SESN1: variants seen among roughly 807,000 people sequenced by gnomAD.
SESN1 encodes sestrin-1.
In SESN1, 30 loss-of-function variants were observed where a neutral mutation model predicts 59.3. The ratio of observed to expected loss-of-function variants is 0.51; its 90% CI spans 0.38 to 0.69. SESN1 has a LOEUF of 0.69. Ranked by LOEUF, SESN1 falls within the 30% of genes least tolerant of loss-of-function variation. SESN1 has a pLI of 0.00. For missense variants in SESN1, 566 were observed against 673.0 expected (o/e 0.84, Z 1.76); for synonymous variants, 197 against 219.9 (o/e 0.90, Z 0.92).
chr6:108,998,380 T>C (rs749074006), intron 5 of SESN1, 133 bp downstream of exon 5: 198 of 980,062 alleles, frequency 2.0e-4, no homozygotes, highest in Non-Finnish European at 2.8e-4. Flanking sequence ...CCCTACTGAA[T>C]GAATAGATAT....
chr6:109,001,600 T>A, intron 2 of SESN1, 112 bp from the exon 3 acceptor site: 1 of 949,662 alleles, frequency 1.1e-6, no homozygotes, highest in Non-Finnish European at 1.6e-6. Context: ...AAATCTGGCT[T>A]AAGAAAGAGG....
chr6:109,083,538 T>G (rs1050199146), intron 1 of SESN1, among the ~76,000 whole-genome samples: 8 of 152,142 alleles, frequency 5.3e-5, no homozygotes, highest in African/African-American at 1.9e-4. Context: ...TCAACAAAAT[T>G]TCAATTTTTC....
chr6:109,092,075 A>G (rs1296763838), intron 1 of SESN1, among the ~76,000 whole-genome samples: 3 of 152,252 alleles, frequency 2.0e-5, no homozygotes, highest in Non-Finnish European at 4.4e-5. Flanking sequence ...AAAAAAGAGT[A>G]TAAGTCTATA....
chr6:108,988,978 G>A (rs1446842862), intron 8 of SESN1, among the ~76,000 whole-genome samples: 1 of 152,150 alleles, frequency 6.6e-6, no homozygotes, highest in African/African-American at 2.4e-5. Context: ...GTGTATATCT[G>A]CAATCATGAA....
At chr6:109,072,129 AC>A (rs1259599519) in intron 1 of SESN1, among the ~76,000 whole-genome samples, 1 of 152,148 alleles carries the variant, frequency 6.6e-6, no homozygotes, top group African/African-American at 2.4e-5. Context: ...ATCCTCTTTT[AC>A]TAATTACTTA....
intron 5 of SESN1, 143 bp downstream of exon 5, chr6:108,998,370 C>G (rs1296687138): frequency 3.4e-6 from 3 of 881,002 alleles, no homozygotes; most frequent in Non-Finnish European, 3.4e-6. Flanking sequence ...GTCAATAAAA[C>G]CCTACTGAAT....
intron 1 of SESN1, among the ~76,000 whole-genome samples, chr6:109,080,048 C>T (rs1465957948): frequency 1.3e-5 from 2 of 152,126 alleles, no homozygotes; most frequent in African/African-American, 2.4e-5. Context: ...AGGAAAAATA[C>T]TCAACACTCC....
intron 1 of SESN1, among the ~76,000 whole-genome samples, chr6:109,017,786 T>C (rs1015360468): frequency 5.3e-5 from 8 of 152,168 alleles, no homozygotes; most frequent in Non-Finnish European, 5.9e-5. Context: ...ACCTCTCTAG[T>C]TGTAATCCCT....
chr6:109,004,710 T>C lies in SESN1; in HGVS notation c.280-2367A>G, dbSNP rs530122268. The stretch of plus-strand genomic sequence containing the variant: ...CTCCCAAATGCTAGGATTACAGGTG[T>C]GAGCCACCGCACCTGACCAACAATC... On this transcript the variant is annotated intron_variant, in intron 1 of 9. Transcript: ENST00000436639. Among the ~76,000 whole-genome samples, 478 of 152,290 alleles carry C rather than the reference T, an allele frequency of 3.1e-3. 5 individuals are homozygous for C. The highest frequency in any genetic ancestry group is 4.2e-3 in the Non-Finnish European group (286 of 68,022).
chr6:109,002,228 C>T (rs757520669), intron 2 of SESN1, 50 bp downstream of exon 2: 5 of 1,520,846 alleles, frequency 3.3e-6, no homozygotes, highest in Admixed American at 3.4e-5. Flanking sequence ...GTCATGAAAG[C>T]TCTTCCTTAA....
At chr6:109,028,080 A>G (rs1189914023) in intron 1 of SESN1, among the ~76,000 whole-genome samples, 1 of 151,852 alleles carries the variant, frequency 6.6e-6, no homozygotes, top group Non-Finnish European at 1.5e-5. Flanking sequence ...ATTTGTCAAT[A>G]TTTTCTTTAA....
intron 1 of SESN1, among the ~76,000 whole-genome samples, chr6:109,079,986 G>C (rs1477224078): frequency 6.6e-6 from 1 of 152,098 alleles, no homozygotes; most frequent in African/African-American, 2.4e-5. Context: ...CTTGCTGTAT[G>C]ATATGTAATG....
chr6:109,070,554 T>C (rs901617260), intron 1 of SESN1, among the ~76,000 whole-genome samples: 1 of 152,166 alleles, frequency 6.6e-6, no homozygotes, highest in African/African-American at 2.4e-5. Flanking sequence ...GGCCCACCAG[T>C]TGAAATGGGC....
chr6:109,028,129 A>T (rs1780123998), intron 1 of SESN1, among the ~76,000 whole-genome samples: 1 of 150,832 alleles, frequency 6.6e-6, no homozygotes, highest in Non-Finnish European at 1.5e-5. Context: ...ACCTTTGCCT[A>T]CCCCCAGGTT....
chr6:109,030,717 C>T (rs1780170236), intron 1 of SESN1, among the ~76,000 whole-genome samples: 1 of 152,176 alleles, frequency 6.6e-6, no homozygotes, highest in Non-Finnish European at 1.5e-5. Flanking sequence ...CTAGGGACTA[C>T]AGAATAAAAT....
intron 9 of SESN1, among the ~76,000 whole-genome samples, chr6:108,987,877 A>G (rs1314392351): frequency 6.9e-6 from 1 of 145,056 alleles, no homozygotes; most frequent in Non-Finnish European, 1.5e-5. Flanking sequence ...ATCTTGGCTC[A>G]CTACAACCTC....
Position 108,987,079 on chromosome 6 carries a change from C to A in SESN1, c.*465G>T, listed in dbSNP as rs1278707385. 2.0e-5 allele frequency: 3 copies of A among 153,360 alleles called. No homozygotes were observed. The highest frequency in any genetic ancestry group is 4.4e-5 in the Non-Finnish European group (3 of 68,580). 9.5% of individuals were successfully genotyped at this position (153,360 alleles called of 1,614,324 possible). A position where few individuals can be genotyped will look rare whatever the true frequency, so the allele number is the denominator to read the frequency against. ...TAGGCTCAGATAGTAGCAATGTTCA[C>A]TTTTATTACTAATAGCTTAACTGAA... On this transcript the variant is annotated 3_prime_UTR_variant, in exon 10 of 10. Transcript: ENST00000436639.
At chr6:109,049,460 T>C (rs1780507998) in intron 1 of SESN1, among the ~76,000 whole-genome samples, 1 of 152,142 alleles carries the variant, frequency 6.6e-6, no homozygotes, top group Non-Finnish European at 1.5e-5. Context: ...TAAGTTCTAG[T>C]GTTCCATAGC....
chr6:109,005,359 C>T (rs1461128067), intron 1 of SESN1, among the ~76,000 whole-genome samples: 1 of 151,934 alleles, frequency 6.6e-6, no homozygotes, highest in Non-Finnish European at 1.5e-5. Context: ...TATCAGTAGG[C>T]AGGAAAAAAA....
Sources: allele counts gnomAD v4.1 joint callset (sites outside exome capture counted in the v4.1 genomes callset), GRCh38; gene constraint gnomAD v4.1.1; transcripts MANE v1.5; gene names NCBI Gene and HGNC (gene_info 2026-07-23, HGNC 2026-07-21).